Variants in TAF6L observed in about 807,000 individuals in gnomAD.
The protein encoded by TAF6L is TAF6-like RNA polymerase II p300/CBP-associated factor-associated factor 65 kDa subunit 6L.
Under a neutral mutation model 57.3 loss-of-function variants are expected in TAF6L, and 34 were observed. The ratio of observed to expected loss-of-function variants is 0.59; its 90% CI spans 0.45 to 0.79. The LOEUF is 0.79. Ranked by LOEUF, TAF6L falls within the 30% of genes least tolerant of loss-of-function variation. TAF6L has a pLI of 0.00. For missense variants in TAF6L, 782 were observed against 853.2 expected (o/e 0.92, Z 1.04); for synonymous variants, 417 against 376.3 (o/e 1.11, Z -1.25).
chr11:62,773,421 C>T (rs1200525010), intron 1 of TAF6L, among the ~76,000 whole-genome samples: 1 of 150,186 alleles, frequency 6.7e-6, no homozygotes, highest in Non-Finnish European at 1.5e-5. Context: ...GCTGGGATTA[C>T]AGATGAGCCA....
At position 62,782,098 on chromosome 11, in the gene TAF6L, C is replaced by T. The variant is rs2084234258; in HGVS notation, c.607-15C>T. The T allele has an allele frequency of 2.5e-6, 4 of 1,596,556 alleles. No homozygotes were observed. In the South Asian group the frequency reaches 3.4e-5, roughly 14 times the overall value. On this transcript the variant is annotated splice_polypyrimidine_tract_variant and intron_variant, in intron 7 of 10. Transcript: ENST00000294168. ...TCCCCTCATGTCCCTGTAAGCTACC[C>T]TCTTCTCCCAACAGGTGAAATCTGT...
At chr11:62,776,331 C>T in intron 2 of TAF6L, 53 bp from the exon 3 acceptor site, 1 of 1,588,930 alleles carries the variant, frequency 6.3e-7, no homozygotes, top group East Asian at 2.2e-5. Flanking sequence ...TGGGGTTTCC[C>T]ATGCCCCCTG....
At chr11:62,777,714 G>A (rs2084197235) in intron 3 of TAF6L, among the ~76,000 whole-genome samples, 1 of 152,208 alleles carries the variant, frequency 6.6e-6, no homozygotes. Flanking sequence ...TGAATAAGGA[G>A]GACCAGTGCT....
chr11:62,778,968 G>T lies in TAF6L; in HGVS notation c.531+5G>T, dbSNP rs1385505316. On this transcript the variant is annotated splice_donor_5th_base_variant and intron_variant, in intron 6 of 10. Coordinates refer to ENST00000294168, the MANE Select transcript of TAF6L (RefSeq NM_006473.4). ...GATGATCCGCAACTGATGAAGGTGA[G>T]CGAGTGGGCCCAAGTTGGGGCACAA... The T allele has an allele frequency of 6.2e-7, 1 of 1,613,474 alleles. No homozygotes were observed. Among genetic ancestry groups the T allele is most frequent in the Non-Finnish European group, 8.5e-7 (1 of 1,179,540 alleles).
In TAF6L at chr11:62,782,151, G is replaced by A. The variant is rs776557301; in HGVS notation, c.645G>A (p.Arg215=). The A allele has an allele frequency of 2.4e-5, 39 of 1,613,168 alleles. No individual in the cohort carries two copies. The Middle Eastern group carries it at 9.9e-4, about 41-fold the overall frequency. The change falls in exon 8 of 11, where the codon CGG becomes CGA. Residue 215 remains arginine, a synonymous_variant. Coordinates refer to ENST00000294168, the MANE Select transcript of TAF6L (RefSeq NM_006473.4). ...SVSHDLEQLH[R]LLQVARSLFR... is the part of the protein sequence containing the mutation. Reference sequence around the variant, plus strand: ...GCCATGACCTGGAGCAACTGCACCGGCTGCTGCAGGTGGCACGGAGCCTAT... The same window carrying A: ...GCCATGACCTGGAGCAACTGCACCGACTGCTGCAGGTGGCACGGAGCCTAT...
intron 9 of TAF6L, 51 bp from the exon 10 acceptor site, chr11:62,786,209 A>G (rs1346613026): frequency 3.8e-6 from 6 of 1,575,778 alleles, no homozygotes; most frequent in Non-Finnish European, 5.2e-6. Context: ...GGTCCTTGAG[A>G]GGGAATAAGT....
chr11:62,779,356 G>A (rs895532033), intron 6 of TAF6L, among the ~76,000 whole-genome samples: 3 of 151,904 alleles, frequency 2.0e-5, no homozygotes, highest in South Asian at 2.1e-4. Flanking sequence ...CAACATACCC[G>A]GCTAATTTTT....
intron 9 of TAF6L, among the ~76,000 whole-genome samples, chr11:62,784,230 C>T (rs1365567924): frequency 6.7e-6 from 1 of 149,854 alleles, no homozygotes; most frequent in African/African-American, 2.4e-5. Flanking sequence ...CCTCGTGTTC[C>T]GCCCGCCTCG....
Position 62,786,947 on chromosome 11 carries a change from G to A in TAF6L, c.1520G>A (p.Gly507Glu). The change falls in exon 11 of 11, where the codon GGA (glycine) becomes GAA (glutamate). Residue 507 changes from glycine (G) to glutamate (E), a missense_variant. Gly to Glu is a moderately conservative substitution (Grantham distance 98). Transcript: ENST00000294168. ...GACGAGAGCCCCCGGGGCAGCGGCG[G>A]AGGCGGCCCCGCGTCGGCCTCTGGG... ...HGDESPRGSGGGGPASASGPA... is the reference protein window; with the variant it reads ...HGDESPRGSGEGGPASASGPA... 1 of 1,456,264 alleles carries A rather than the reference G, an allele frequency of 6.9e-7. No individual in the cohort carries two copies. The highest frequency in any genetic ancestry group is 1.4e-5 in the South Asian group (1 of 73,648). 90.2% of individuals were successfully genotyped at this position (1,456,264 alleles called of 1,614,324 possible). A position where few individuals can be genotyped will look rare whatever the true frequency, so the allele number is the denominator to read the frequency against.
chr11:62,782,053 G>T, intron 7 of TAF6L, 60 bp from the exon 8 acceptor site: 1 of 1,590,996 alleles, frequency 6.3e-7, no homozygotes, highest in East Asian at 2.2e-5. Flanking sequence ...AGTGCTGTCA[G>T]AATGGTGGGC....
chr11:62,783,534 T>G (rs180950096), intron 9 of TAF6L, among the ~76,000 whole-genome samples: 201 of 145,764 alleles, frequency 1.4e-3, no homozygotes, highest in Non-Finnish European at 2.6e-3. Flanking sequence ...AGAGGGAGGA[T>G]CTTTTTTTTT....
At chr11:62,772,988 C>T (rs1275504361) in intron 1 of TAF6L, among the ~76,000 whole-genome samples, 1 of 151,328 alleles carries the variant, frequency 6.6e-6, no homozygotes, top group Non-Finnish European at 1.5e-5. Flanking sequence ...AGTGATTCTC[C>T]TGCCTCAGCC....
At chr11:62,781,771 A>G (rs2084231586) in intron 6 of TAF6L, 123 bp from the exon 7 acceptor site, 2 of 861,974 alleles carry the variant, frequency 2.3e-6, no homozygotes, top group Non-Finnish European at 3.8e-6. Flanking sequence ...TGCTAGATCA[A>G]AGAATATGAA....
intron 3 of TAF6L, 92 bp downstream of exon 3, chr11:62,776,562 C>A: frequency 1.5e-6 from 2 of 1,301,742 alleles, no homozygotes; most frequent in Non-Finnish European, 2.2e-6. Flanking sequence ...ACATTAAGAC[C>A]AAACGCTGCC....
chr11:62,782,556 AC>A, intron 8 of TAF6L, 136 bp from the exon 9 acceptor site: 1 of 1,303,096 alleles, frequency 7.7e-7, no homozygotes, highest in Non-Finnish European at 1.1e-6. Context: ...TAGGCCAGTC[AC>A]CCCTGGCAGC....
chr11:62,786,931 C>CAG lies in TAF6L; in HGVS notation c.1504_1505insAG (p.Pro502GlnfsTer64). 1 of 1,478,218 alleles carries CAG rather than the reference C, an allele frequency of 6.8e-7. No homozygotes were observed. Among genetic ancestry groups the CAG allele is most frequent in the Non-Finnish European group, 8.9e-7 (1 of 1,123,760 alleles). The allele number at this position is 1,478,218 out of a possible 1,614,324, so 91.6% of individuals were successfully genotyped here. On this transcript the variant is annotated frameshift_variant, in exon 11 of 11. Coordinates refer to ENST00000294168, the MANE Select transcript of TAF6L (RefSeq NM_006473.4). LOFTEE classifies it high-confidence loss of function. Reference sequence around the variant, plus strand: ...AGTCAGCCCGCACGGCGACGAGAGCCCCCGGGGCAGCGGCGGAGGCGGCCC... The same window carrying CAG: ...AGTCAGCCCGCACGGCGACGAGAGCCAGCCCGGGGCAGCGGCGGAGGCGGCCC...
intron 6 of TAF6L, among the ~76,000 whole-genome samples, chr11:62,779,780 C>T (rs1183658511): frequency 3.3e-5 from 5 of 151,256 alleles, no homozygotes; most frequent in Non-Finnish European, 7.4e-5. Flanking sequence ...ATTCTCCCAC[C>T]TCAGCTTCCC....
Position 62,786,648 on chromosome 11 carries a change from CG to C in TAF6L, c.1226del (p.Gly409AlafsTer27). 1 of 1,604,452 alleles carries C rather than the reference CG, an allele frequency of 6.2e-7. No homozygotes were observed. The highest frequency in any genetic ancestry group is 8.5e-7 in the Non-Finnish European group (1 of 1,175,834). On this transcript the variant is annotated frameshift_variant, in exon 11 of 11. Coordinates refer to ENST00000294168, the MANE Select transcript of TAF6L (RefSeq NM_006473.4). LOFTEE classifies it high-confidence loss of function. The stretch of plus-strand genomic sequence containing the variant: ...GCCTTCTCTTTCAAGAGTCGTCCTC[CG>C]GGGGCGGTGCAGAACCCAGCTTTGG... The part of the protein sequence containing the change: ...DSLLFQESSS[G>X]GGAEPSFGSG...
At chr11:62,781,629 C>T (rs917942414) in intron 6 of TAF6L, 17 of 353,898 alleles carry the variant, frequency 4.8e-5, no homozygotes, top group African/African-American at 4.0e-4. Context: ...GAGCCAAGAT[C>T]GTGCCACTGG....
Sources: allele counts gnomAD v4.1 joint callset (sites outside exome capture counted in the v4.1 genomes callset), GRCh38; gene constraint gnomAD v4.1.1; transcripts MANE v1.5; gene names NCBI Gene and HGNC (gene_info 2026-07-23, HGNC 2026-07-21).